The following ZFAND3 variants were observed in gnomAD, a reference collection of about 807,000 sequenced individuals.
The protein encoded by ZFAND3 is zinc finger AN1-type containing 3, also known as AN1-type zinc finger protein 3.
In ZFAND3, 10 loss-of-function variants were observed where a neutral mutation model predicts 29.6. That is an observed-to-expected ratio of 0.34 (90% CI 0.21 to 0.57). The LOEUF (loss-of-function observed/expected upper bound fraction) is 0.57. Among genes scored for constraint, ZFAND3 ranks in the 20% least tolerant of loss-of-function variants. ZFAND3 has a pLI of 0.86. For synonymous variants in ZFAND3, 128 were observed against 112.6 expected (o/e 1.14, Z -0.87); for missense variants, 230 against 304.5 (o/e 0.76, Z 1.82).
intron 5 of ZFAND3, among the ~76,000 whole-genome samples, chr6:38,149,022 A>G (rs530151377): frequency 4.7e-4 from 71 of 152,252 alleles, no homozygotes; most frequent in Non-Finnish European, 9.1e-4. Context: ...CGCTGCTCCC[A>G]AAATCTATCT....
At chr6:37,875,410 A>G (rs1764773264) in intron 1 of ZFAND3, among the ~76,000 whole-genome samples, 1 of 152,316 alleles carries the variant, frequency 6.6e-6, no homozygotes, top group East Asian at 1.9e-4. Flanking sequence ...ATGATTACCA[A>G]TAATGCATTA....
Position 38,061,669 on chromosome 6 carries a change from G to T in ZFAND3, c.189G>T (p.Glu63Asp). The T allele has an allele frequency of 6.2e-7, 1 of 1,614,162 alleles. No individual in the cohort carries two copies. The highest frequency in any genetic ancestry group is 8.5e-7 in the Non-Finnish European group (1 of 1,180,020). ...SNSQSDLFSE[E>D]TTSDNNNTSI... ...GCCAATCAGATTTGTTTTCCGAAGA[G>T]ACCACCAGTGACAACAACAATACCT... is the stretch of plus-strand genomic sequence containing the variant. The change falls in exon 3 of 6, where the codon GAG becomes GAT. Residue 63 changes from glutamate (E) to aspartate (D), a missense_variant. This residue lies in a region of ZFAND3 where 180 missense variants were observed against 202.5 expected (regional missense o/e 0.89). Coordinates refer to ENST00000287218, the MANE Select transcript of ZFAND3 (RefSeq NM_021943.3).
intron 2 of ZFAND3, among the ~76,000 whole-genome samples, chr6:38,055,182 C>T (rs1764110033): frequency 6.6e-6 from 1 of 152,052 alleles, no homozygotes; most frequent in African/African-American, 2.4e-5. Context: ...CCCCTGGCAA[C>T]CTTTTCCATT....
rs202057469 is a variant in ZFAND3 at position 37,908,743 on chromosome 6, GAA to G, written c.72-21200_72-21199del. ...TAAACAAGTAAACTTAATTTTCAAA[GAA>G]AAAAAAAAAAAAAAAGAAAAGTTTG... On this transcript the variant is annotated intron_variant, in intron 1 of 5. Coordinates refer to ENST00000287218, the MANE Select transcript of ZFAND3 (RefSeq NM_021943.3). 4.9e-3 allele frequency among the ~76,000 whole-genome samples: 474 copies of G among 97,262 alleles called. 2 individuals are homozygous for G. Among genetic ancestry groups the G allele is most frequent in the East Asian group, 0.038 (118 of 3,118 alleles). The allele number at this position is 97,262 out of a possible 152,430, so 63.8% of individuals were successfully genotyped here.
intron 4 of ZFAND3, among the ~76,000 whole-genome samples, chr6:38,108,459 C>G (rs1312133732): frequency 1.3e-5 from 2 of 152,150 alleles, no homozygotes; most frequent in African/African-American, 4.8e-5. Context: ...AGGAAGCTGA[C>G]AGTACACGCT....
At chr6:37,866,530 AG>A (rs1030445565) in intron 1 of ZFAND3, among the ~76,000 whole-genome samples, 44 of 152,228 alleles carry the variant, frequency 2.9e-4, no homozygotes, top group African/African-American at 1.1e-3. Flanking sequence ...TTAGAATTAA[AG>A]GGAAGTTTGA....
chr6:38,122,727 A>G (rs1222081896), intron 5 of ZFAND3, among the ~76,000 whole-genome samples: 4 of 152,216 alleles, frequency 2.6e-5, no homozygotes. Context: ...GCAGACATAC[A>G]TAAAATAACT....
chr6:38,061,536 T>A, intron 2 of ZFAND3, 57 bp from the exon 3 acceptor site: 1 of 1,592,000 alleles, frequency 6.3e-7, no homozygotes, highest in Non-Finnish European at 8.6e-7. Context: ...TCCATTGTTT[T>A]CTAATCCTCA....
chr6:37,846,711 T>TG (rs974790475), intron 1 of ZFAND3, among the ~76,000 whole-genome samples: 2 of 151,780 alleles, frequency 1.3e-5, no homozygotes, highest in Non-Finnish European at 1.5e-5. Context: ...GTGATTTTTT[T>TG]TTTTTTGTTT....
At chr6:38,031,073 A>C (rs887573850) in intron 2 of ZFAND3, among the ~76,000 whole-genome samples, 2 of 152,226 alleles carry the variant, frequency 1.3e-5, no homozygotes, top group Non-Finnish European at 2.9e-5. Context: ...CAGTGGAAAG[A>C]GCCAACCTTT....
chr6:38,148,157 G>A (rs1390312320), intron 5 of ZFAND3, among the ~76,000 whole-genome samples: 1 of 152,150 alleles, frequency 6.6e-6, no homozygotes, highest in Non-Finnish European at 1.5e-5. Flanking sequence ...TAGGGGTCCA[G>A]TCTCACTCTT....
In ZFAND3 at chr6:37,875,649, TA is replaced by T. The variant is rs1450449654; in HGVS notation, c.72-54307del. Among the ~76,000 whole-genome samples, 300 of 145,334 alleles carry T rather than the reference TA, an allele frequency of 2.1e-3. 3 individuals carry two copies. Among genetic ancestry groups the T allele is most frequent in the Non-Finnish European group, 7.8e-4 (52 of 66,340 alleles). ...TAATTTCTGTATTTTTTTTTTTTTT[TA>T]AATAGAGATGAAGTCTCATTGTGTT... On this transcript the variant is annotated intron_variant, in intron 1 of 5. Transcript: ENST00000287218.
At chr6:38,104,747 A>G (rs1765174916) in intron 4 of ZFAND3, among the ~76,000 whole-genome samples, 2 of 152,222 alleles carry the variant, frequency 1.3e-5, no homozygotes, top group Admixed American at 1.3e-4. Flanking sequence ...ATTAATAATC[A>G]TATTTGGACA....
chr6:37,912,558 A>G (rs572517709), intron 1 of ZFAND3, among the ~76,000 whole-genome samples: 9 of 152,302 alleles, frequency 5.9e-5, no homozygotes, highest in African/African-American at 2.2e-4. Flanking sequence ...AGGGTCATTG[A>G]TAATGCTTTT....
At position 38,115,065 on chromosome 6, in the gene ZFAND3, A is replaced by C. The variant is rs139457715; in HGVS notation, c.362-1507A>C. Among the ~76,000 whole-genome samples, 612 of 152,242 alleles carry C rather than the reference A, an allele frequency of 4.0e-3. 7 individuals carry two copies. The highest frequency in any genetic ancestry group is 5.7e-3 in the Non-Finnish European group (385 of 68,032). On this transcript the variant is annotated intron_variant, in intron 4 of 5. Transcript: ENST00000287218. The stretch of plus-strand genomic sequence containing the variant: ...TGAAAATGTGACTTTGCAAAATAAA[A>C]TTTAAAAGAAAATGTGACGTTGGAG...
chr6:37,873,365 C>T (rs896138616), intron 1 of ZFAND3, among the ~76,000 whole-genome samples: 4 of 152,194 alleles, frequency 2.6e-5, no homozygotes, highest in Non-Finnish European at 5.9e-5. Context: ...GTCAATAAAT[C>T]GGTATTTTTA....
rs1337448243 is a variant in ZFAND3 at position 38,154,209 on chromosome 6, C to T, written c.*1820C>T. On this transcript the variant is annotated 3_prime_UTR_variant, in exon 6 of 6. Transcript: ENST00000287218. ...CCTCAGTGAGGCAGCCCCCCATAGG[C>T]TTCCGCCAAGCTCTGGTCCCGAAGA... The T allele has an allele frequency of 1.0e-6, 1 of 985,498 alleles. No homozygotes were observed. Among genetic ancestry groups the T allele is most frequent in the Non-Finnish European group, 1.2e-6 (1 of 830,060 alleles). The allele number at this position is 985,498 out of a possible 1,614,324, so 61.0% of individuals were successfully genotyped here. A position where few individuals can be genotyped will look rare whatever the true frequency, so the allele number is the denominator to read the frequency against.
intron 4 of ZFAND3, among the ~76,000 whole-genome samples, chr6:38,109,620 C>T (rs1765276557): frequency 6.6e-6 from 1 of 152,034 alleles, no homozygotes; most frequent in Admixed American, 6.6e-5. Context: ...AAATCAGCTT[C>T]CAAGTTCCTG....
chr6:37,866,826 C>G (rs1005434340), intron 1 of ZFAND3, among the ~76,000 whole-genome samples: 2 of 152,178 alleles, frequency 1.3e-5, no homozygotes, highest in Non-Finnish European at 2.9e-5. Context: ...CACTGACTTT[C>G]AACAGTGGTA....
Sources: gnomAD v4.1 joint callset for allele counts (sites outside exome capture counted in the v4.1 genomes callset) on GRCh38, gnomAD v4.1.1 for gene constraint, gnomAD v4.1.1 regional missense constraint, MANE v1.5 for transcripts, NCBI Gene and HGNC (gene_info 2026-07-23, HGNC 2026-07-21) for gene names.